The following CPZ variants were observed in gnomAD, a reference collection of about 807,000 sequenced individuals.
The protein encoded by CPZ is carboxypeptidase Z, also known as VEZT/CPZ fusion.
CPZ carries 103 observed loss-of-function variants against 61.8 expected under a neutral mutation model. That is an observed-to-expected ratio of 1.67 (90% CI 1.42 to 1.96). The LOEUF is 1.96. Among genes scored for constraint, CPZ ranks in the 30% most tolerant of loss-of-function variants. The probability of loss-of-function intolerance (pLI) is 0.00; values close to 1 mark genes in which losing one functional copy is unlikely to be tolerated. For synonymous variants in CPZ, 551 were observed against 373.7 expected (o/e 1.47, Z -5.47); for missense variants, 1,461 against 914.9 (o/e 1.60, Z -7.70).
At chr4:8,607,812 G>T (rs1054781781) in intron 7 of CPZ, among the ~76,000 whole-genome samples, 7 of 152,134 alleles carry the variant, frequency 4.6e-5, no homozygotes, top group African/African-American at 1.7e-4. Context: ...GGGCAGTGCT[G>T]CAGCGCGCAT....
intron 1 of CPZ, 59 bp downstream of exon 1, chr4:8,592,980 G>A (rs1311344477): frequency 7.5e-7 from 1 of 1,338,082 alleles, no homozygotes; most frequent in Non-Finnish European, 1.0e-6. Flanking sequence ...TGGGGAGTGT[G>A]ATCCGTCGCT....
intron 4 of CPZ, among the ~76,000 whole-genome samples, chr4:8,605,334 C>CCATCATTTATG: frequency 2.0e-5 from 3 of 149,090 alleles, no homozygotes; most frequent in African/African-American, 7.7e-5. Flanking sequence ...ATCCATCCAT[C>CCATCATTTATG]CATCCATCCA....
intron 9 of CPZ, among the ~76,000 whole-genome samples, chr4:8,615,315 C>T (rs962152390): frequency 2.0e-5 from 3 of 152,158 alleles, no homozygotes; most frequent in Non-Finnish European, 4.4e-5. Context: ...CCCATGTCTG[C>T]TCCCCTTCCA....
At chr4:8,617,002 G>C (rs1716230333) in intron 9 of CPZ, among the ~76,000 whole-genome samples, 2 of 152,204 alleles carry the variant, frequency 1.3e-5, no homozygotes, top group African/African-American at 4.8e-5. Context: ...GTGGCACAGA[G>C]ATAAGTGCTA....
chr4:8,618,896 C>T (rs552872278), intron 10 of CPZ, among the ~76,000 whole-genome samples: 4 of 152,176 alleles, frequency 2.6e-5, no homozygotes, highest in Non-Finnish European at 1.5e-5. Context: ...CCTGTGCGGG[C>T]TCTGGCTGTC....
At chr4:8,612,712 G>T (rs1715820204) in intron 8 of CPZ, among the ~76,000 whole-genome samples, 1 of 152,192 alleles carries the variant, frequency 6.6e-6, no homozygotes, top group Non-Finnish European at 1.5e-5. Context: ...ATATGCCACT[G>T]TGTGTCCTGA....
chr4:8,608,900 C>T (rs912023144), intron 7 of CPZ, among the ~76,000 whole-genome samples: 1 of 152,174 alleles, frequency 6.6e-6, no homozygotes, highest in Non-Finnish European at 1.5e-5. Context: ...ATGGGGAGAG[C>T]AAGCTGAGCA....
In CPZ at chr4:8,606,692, G is replaced by C. The variant is rs1715039090; in HGVS notation, c.907-45G>C. 3 of 1,610,916 alleles carry C rather than the reference G, an allele frequency of 1.9e-6. No individual in the cohort carries two copies. In the Admixed American group the frequency reaches 5.0e-5, roughly 27 times the overall value. ...GAGACCCATCTGGAAGGAGGAGGGT[G>C]GGGTGTGCTGACCCCACCCAGTCGG... is the stretch of plus-strand genomic sequence containing the variant. On this transcript the variant is annotated intron_variant, in intron 5 of 10. Coordinates refer to ENST00000360986, the MANE Select transcript of CPZ (RefSeq NM_001014447.3).
At chr4:8,618,290 G>C (rs982244316) in intron 9 of CPZ, 139 bp from the exon 10 acceptor site, 1 of 700,236 alleles carries the variant, frequency 1.4e-6, no homozygotes, top group Admixed American at 2.5e-5. Flanking sequence ...GGCAGAGCGA[G>C]GGCTGGCAGA....
intron 7 of CPZ, among the ~76,000 whole-genome samples, chr4:8,609,184 G>GCTCCCTCACT (rs1577120139): frequency 3.4e-4 from 37 of 109,398 alleles, no homozygotes; most frequent in Admixed American, 8.7e-4. Flanking sequence ...ATTCACTCAG[G>GCTCCCTCACT]CATTCACTCA....
intron 9 of CPZ, among the ~76,000 whole-genome samples, chr4:8,617,036 TG>T (rs1391826353): frequency 2.6e-5 from 4 of 152,198 alleles, no homozygotes; most frequent in Non-Finnish European, 5.9e-5. Flanking sequence ...GGAGCTAGAC[TG>T]GGTGCCCACT....
chr4:8,617,919 G>C (rs138924912), intron 9 of CPZ, among the ~76,000 whole-genome samples: 1 of 152,090 alleles, frequency 6.6e-6, no homozygotes, highest in African/African-American at 2.4e-5. Flanking sequence ...GGACCAGTTC[G>C]TGCCAAGGCC....
chr4:8,607,525 C>G (rs967766673), intron 7 of CPZ, 100 bp downstream of exon 7: 1 of 1,383,232 alleles, frequency 7.2e-7, no homozygotes. Context: ...AGGCAAAGCT[C>G]CTAGGAACCT....
At chr4:8,609,243 C>G (rs76292888) in intron 7 of CPZ, among the ~76,000 whole-genome samples, 42 of 91,032 alleles carry the variant, frequency 4.6e-4, no homozygotes, top group Non-Finnish European at 1.6e-4. Context: ...GTCACTCATT[C>G]ACTCATCACT....
At chr4:8,611,617 T>C (rs924714681) in intron 7 of CPZ, among the ~76,000 whole-genome samples, 41 of 152,054 alleles carry the variant, frequency 2.7e-4, no homozygotes, top group African/African-American at 9.7e-4. Context: ...GGAGATGAAG[T>C]CGGGGAAAAT....
Position 8,601,137 on chromosome 4 carries a change from C to G in CPZ, c.136C>G (p.Leu46Val). ...PAADSATCVD[L>V]QLRTCSDAAY... is the part of the protein sequence containing the mutation. ...TGCCTCCCCAGCCACCTGCGTGGACCTGCAGCTCAGGACCTGCAGCGATGC... is the reference window on the plus strand; with the variant it reads ...TGCCTCCCCAGCCACCTGCGTGGACGTGCAGCTCAGGACCTGCAGCGATGC... Residue 46 changes from leucine to valine, a missense_variant, in exon 3 of 11, where the codon CTG becomes GTG. Physicochemically the swap from Leu to Val is conservative, Grantham distance 32. Coordinates refer to ENST00000360986, the MANE Select transcript of CPZ (RefSeq NM_001014447.3). The G allele has an allele frequency of 6.3e-7, 1 of 1,578,238 alleles. No individual in the cohort carries two copies. Among genetic ancestry groups the G allele is most frequent in the South Asian group, 1.2e-5 (1 of 86,422 alleles).
At chr4:8,616,444 C>T (rs548239401) in intron 9 of CPZ, among the ~76,000 whole-genome samples, 7 of 152,238 alleles carry the variant, frequency 4.6e-5, no homozygotes, top group African/African-American at 1.4e-4. Context: ...CTGGGAGAGC[C>T]CCTGCTCTCG....
Position 8,605,752 on chromosome 4 carries a change from C to T in CPZ, c.710-237C>T, listed in dbSNP as rs1714940036. 2.0e-5 allele frequency among the ~76,000 whole-genome samples: 3 copies of T among 151,828 alleles called. No homozygotes were observed. The South Asian group carries it at 6.2e-4, about 31-fold the overall frequency. On this transcript the variant is annotated intron_variant, in intron 4 of 10. Coordinates refer to ENST00000360986, the MANE Select transcript of CPZ (RefSeq NM_001014447.3). ...TTAAATTTGCATGAATCAATGATAA[C>T]ATATATTATTCATATTCTTGAGTTA...
chr4:8,599,574 A>C (rs746800732), intron 2 of CPZ, 89 bp downstream of exon 2: 6 of 1,575,458 alleles, frequency 3.8e-6, no homozygotes, highest in Non-Finnish European at 5.2e-6. Flanking sequence ...TGAATCCGTG[A>C]TTTCAGAAGT....
Sources: allele counts gnomAD v4.1 joint callset (sites outside exome capture counted in the v4.1 genomes callset), GRCh38; gene constraint gnomAD v4.1.1; transcripts MANE v1.5; gene names NCBI Gene and HGNC (gene_info 2026-07-23, HGNC 2026-07-21).